Variants in NNT observed in about 807,000 individuals in gnomAD.
NNT encodes NAD(P) transhydrogenase, mitochondrial.
NNT carries 50 observed loss-of-function variants against 104.8 expected under a neutral mutation model. That is an observed-to-expected ratio of 0.48 (90% CI 0.38 to 0.60). The LOEUF (loss-of-function observed/expected upper bound fraction) is 0.60. Ranked by LOEUF, NNT falls within the 20% of genes least tolerant of loss-of-function variation. The probability of loss-of-function intolerance (pLI) is 0.00; values close to 1 mark genes in which losing one functional copy is unlikely to be tolerated. For synonymous variants in NNT, 461 were observed against 490.4 expected, an observed-to-expected ratio of 0.94 and a Z score of 0.79; for missense variants, 1,131 against 1,330.7, an observed-to-expected ratio of 0.85 and a Z score of 2.33.
chr5:43,684,674 T>G (rs1293831260), intron 19 of NNT, among the ~76,000 whole-genome samples: 3 of 152,162 alleles, frequency 2.0e-5, no homozygotes, highest in African/African-American at 7.2e-5. Flanking sequence ...ATTACCCTGC[T>G]GACACCATGA....
At chr5:43,639,558 A>C (rs1345518559) in intron 7 of NNT, among the ~76,000 whole-genome samples, 1 of 152,152 alleles carries the variant, frequency 6.6e-6, no homozygotes, top group African/African-American at 2.4e-5. Context: ...GAATGCAGCC[A>C]CTTTTAGTTG....
At chr5:43,644,547 T>C in intron 8 of NNT, 64 bp from the exon 9 acceptor site, 1 of 1,382,392 alleles carries the variant, frequency 7.2e-7, no homozygotes, top group Non-Finnish European at 9.9e-7. Context: ...TGAATGATAA[T>C]TGTTCTAGAA....
chr5:43,612,019 A>G (rs1361431764), intron 2 of NNT, among the ~76,000 whole-genome samples: 1 of 152,166 alleles, frequency 6.6e-6, no homozygotes. Context: ...GAAACCCCCC[A>G]TCTACTCCTT....
intron 15 of NNT, 50 bp downstream of exon 15, chr5:43,656,123 T>G: frequency 6.9e-7 from 1 of 1,458,096 alleles, no homozygotes; most frequent in Non-Finnish European, 9.6e-7. Flanking sequence ...TTTAGGGCAT[T>G]TAGGGATCCA....
At chr5:43,666,142 C>T (rs578207273) in intron 17 of NNT, among the ~76,000 whole-genome samples, 3 of 152,062 alleles carry the variant, frequency 2.0e-5, no homozygotes, top group Non-Finnish European at 4.4e-5. Context: ...CCTCACATCC[C>T]AGACGATGGG....
intron 4 of NNT, among the ~76,000 whole-genome samples, chr5:43,617,249 T>G (rs796567692): frequency 5.9e-5 from 9 of 152,184 alleles, no homozygotes; most frequent in Admixed American, 5.2e-4. Flanking sequence ...CTAGATCAAG[T>G]GGTTTTAGCT....
intron 17 of NNT, among the ~76,000 whole-genome samples, chr5:43,661,860 G>T (rs1313962099): frequency 6.6e-6 from 1 of 151,760 alleles, no homozygotes; most frequent in Non-Finnish European, 1.5e-5. Context: ...GAATAGTGCC[G>T]CAATAAACAT....
At chr5:43,619,174 A>G (rs201182091) in intron 5 of NNT, 55 bp downstream of exon 5, 1 of 1,010,484 alleles carries the variant, frequency 9.9e-7, no homozygotes, top group Non-Finnish European at 1.4e-6. Context: ...AGGAAAGGGT[A>G]TGTATAGTCT....
chr5:43,643,182 T>C (rs373563830), intron 7 of NNT, among the ~76,000 whole-genome samples: 6 of 152,178 alleles, frequency 3.9e-5, no homozygotes, highest in Non-Finnish European at 5.9e-5. Context: ...GCCTCCCAAA[T>C]TGTTGGGCTT....
chr5:43,614,148 G>T (rs1749652519), intron 3 of NNT, among the ~76,000 whole-genome samples: 1 of 152,158 alleles, frequency 6.6e-6, no homozygotes, highest in Non-Finnish European at 1.5e-5. Context: ...ATATTCTAGG[G>T]ATCATCTTTT....
intron 19 of NNT, among the ~76,000 whole-genome samples, chr5:43,694,271 T>G (rs927885743): frequency 1.3e-5 from 2 of 152,212 alleles, no homozygotes; most frequent in African/African-American, 4.8e-5. Context: ...TGCTCTTTAT[T>G]TCTTTCTCTT....
At chr5:43,682,414 T>A (rs1741771185) in intron 19 of NNT, among the ~76,000 whole-genome samples, 1 of 152,144 alleles carries the variant, frequency 6.6e-6, no homozygotes, top group South Asian at 2.1e-4. Context: ...TTTCATCATG[T>A]TGGCCAGGCT....
intron 19 of NNT, among the ~76,000 whole-genome samples, chr5:43,682,365 C>T (rs1475246287): frequency 6.6e-6 from 1 of 151,300 alleles, no homozygotes; most frequent in African/African-American, 2.4e-5. Flanking sequence ...CATGCGCCAC[C>T]ACGCCTGACT....
chr5:43,699,128 A>G (rs1742717176), intron 19 of NNT, among the ~76,000 whole-genome samples: 1 of 151,942 alleles, frequency 6.6e-6, no homozygotes. Flanking sequence ...GGATTAAAAA[A>G]CTTTAAAGAC....
At chr5:43,637,771 T>G (rs1751010730) in intron 7 of NNT, among the ~76,000 whole-genome samples, 1 of 152,142 alleles carries the variant, frequency 6.6e-6, no homozygotes, top group South Asian at 2.1e-4. Context: ...ACATTTTCCC[T>G]CATTTATATT....
intron 17 of NNT, among the ~76,000 whole-genome samples, chr5:43,671,242 G>A (rs962601517): frequency 6.6e-6 from 1 of 152,210 alleles, no homozygotes; most frequent in East Asian, 1.9e-4. Flanking sequence ...TATCCAATTT[G>A]CCAGTCTGTG....
At chr5:43,636,450 A>T (rs942109025) in intron 7 of NNT, among the ~76,000 whole-genome samples, 1 of 152,152 alleles carries the variant, frequency 6.6e-6, no homozygotes, top group African/African-American at 2.4e-5. Context: ...GAATTTGCTG[A>T]AGATATCCAT....
At chr5:43,625,481 C>G (rs1750313132) in intron 6 of NNT, among the ~76,000 whole-genome samples, 2 of 151,962 alleles carry the variant, frequency 1.3e-5, no homozygotes, top group Admixed American at 6.5e-5. Flanking sequence ...ATTAGTTACT[C>G]TAGTCACTAT....
chr5:43,668,202 A>G (rs539383327), intron 17 of NNT, among the ~76,000 whole-genome samples: 1 of 142,974 alleles, frequency 7.0e-6, no homozygotes, highest in Non-Finnish European at 1.5e-5. Context: ...GATTGCAAAA[A>G]TTTTCTCCCA....
Sources: allele counts gnomAD v4.1 joint callset (sites outside exome capture counted in the v4.1 genomes callset), GRCh38; gene constraint gnomAD v4.1.1; transcripts MANE v1.5; gene names NCBI Gene and HGNC (gene_info 2026-07-23, HGNC 2026-07-21).